The following ATP8B1 variants were observed in gnomAD, a reference collection of about 807,000 sequenced individuals.
The protein encoded by ATP8B1 is phospholipid-transporting ATPase IC.
A neutral mutation model predicts 149.9 loss-of-function variants in ATP8B1; 80 were observed. The ratio of observed to expected loss-of-function variants is 0.53; its 90% confidence interval spans 0.45 to 0.64. The LOEUF (loss-of-function observed/expected upper bound fraction) is 0.64, where lower values mean the gene tolerates loss of function less well. ATP8B1 is among the 30% of genes least tolerant of loss of function. The probability of loss-of-function intolerance (pLI) is 0.00; values close to 1 mark genes in which losing one functional copy is unlikely to be tolerated. For missense variants in ATP8B1, 1,247 were observed against 1,552.6 expected (o/e 0.80, Z 3.31); for synonymous variants, 536 against 562.8 (o/e 0.95, Z 0.67).
intron 1 of ATP8B1, among the ~76,000 whole-genome samples, chr18:57,757,168 C>A (rs1309141305): frequency 4.6e-5 from 7 of 152,184 alleles, no homozygotes; most frequent in Admixed American, 3.9e-4. Flanking sequence ...TCTCCAATGG[C>A]ATATAATTCC....
At chr18:57,702,863 A>G (rs1411251978) in intron 4 of ATP8B1, among the ~76,000 whole-genome samples, 1 of 151,976 alleles carries the variant, frequency 6.6e-6, no homozygotes, top group African/African-American at 2.4e-5. Flanking sequence ...ATCTCAAAAA[A>G]AAAAAAAAAA....
intron 12 of ATP8B1, 84 bp downstream of exon 12, chr18:57,691,723 T>C: frequency 6.7e-7 from 1 of 1,492,854 alleles, no homozygotes; most frequent in Non-Finnish European, 9.2e-7. Flanking sequence ...TTTGAAACAG[T>C]GATCACTAGA....
At chr18:57,706,833 G>C (rs116487783) in intron 2 of ATP8B1, among the ~76,000 whole-genome samples, 1 of 152,204 alleles carries the variant, frequency 6.6e-6, no homozygotes, top group Non-Finnish European at 1.5e-5. Context: ...GATGGAAGAC[G>C]ATGCGAAGTC....
intron 1 of ATP8B1, among the ~76,000 whole-genome samples, chr18:57,745,656 A>ATT (rs11304424): frequency 1.4e-5 from 2 of 143,966 alleles, no homozygotes; most frequent in Non-Finnish European, 1.5e-5. Flanking sequence ...TGGTTTTACA[A>ATT]TTTTTTTTTT....
intron 2 of ATP8B1, among the ~76,000 whole-genome samples, chr18:57,717,326 A>G (rs2079591665): frequency 2.0e-5 from 3 of 151,956 alleles, no homozygotes; most frequent in African/African-American, 7.2e-5. Flanking sequence ...TGGGCAGATC[A>G]TGAGGTCAGG....
At chr18:57,745,953 G>A (rs968964828) in intron 1 of ATP8B1, among the ~76,000 whole-genome samples, 2 of 152,042 alleles carry the variant, frequency 1.3e-5, no homozygotes, top group African/African-American at 2.4e-5. Flanking sequence ...GAGCCACCAC[G>A]CCTGACCTAA....
At chr18:57,732,659 T>G (rs533227498) in intron 1 of ATP8B1, among the ~76,000 whole-genome samples, 2 of 152,164 alleles carry the variant, frequency 1.3e-5, no homozygotes, top group South Asian at 4.2e-4. Context: ...GCCTCCTGTG[T>G]TCAAGTGATT....
chr18:57,709,743 G>A (rs1420219276), intron 2 of ATP8B1, among the ~76,000 whole-genome samples: 7 of 151,074 alleles, frequency 4.6e-5, no homozygotes, highest in Admixed American at 1.3e-4. Flanking sequence ...GCAGTGGTGC[G>A]ATCTCAGCTC....
Position 57,796,832 on chromosome 18 carries a change from G to A in ATP8B1, c.-26+6166C>T, listed in dbSNP as rs114278486. Reference sequence around the variant, plus strand: ...CTCTGGAGTAGCTGAGACTACAGGCGTGTGCCACCAGGGTTTCACCATGTT... The same window carrying A: ...CTCTGGAGTAGCTGAGACTACAGGCATGTGCCACCAGGGTTTCACCATGTT... On this transcript the variant is annotated intron_variant, in intron 1 of 27. Coordinates refer to ENST00000648908, the MANE Select transcript of ATP8B1 (RefSeq NM_001374385.1). 2.6e-5 allele frequency among the ~76,000 whole-genome samples: 4 copies of A among 152,218 alleles called. No individual in the cohort carries two copies. The East Asian group carries it at 5.8e-4, about 22-fold the overall frequency.
chr18:57,686,042 G>T (rs1912223137), intron 13 of ATP8B1, among the ~76,000 whole-genome samples: 1 of 152,130 alleles, frequency 6.6e-6, no homozygotes, highest in Non-Finnish European at 1.5e-5. Context: ...GAGGTCAGGG[G>T]TTCGATACCA....
chr18:57,764,263 TTTCC>T (rs200582319), intron 1 of ATP8B1, among the ~76,000 whole-genome samples: 2,004 of 150,290 alleles, frequency 0.013, 24 homozygotes, highest in African/African-American at 0.029. Flanking sequence ...TCCTTCCTTC[TTTCC>T]TTCCTTCCTT....
At chr18:57,661,964 C>T (rs3210484) in intron 21 of ATP8B1, among the ~76,000 whole-genome samples, 10 of 152,018 alleles carry the variant, frequency 6.6e-5, no homozygotes, top group South Asian at 2.1e-4. Flanking sequence ...GTGATCTGCC[C>T]GCCTTGGCCT....
At chr18:57,752,067 A>G (rs1415449835) in intron 1 of ATP8B1, among the ~76,000 whole-genome samples, 1 of 151,622 alleles carries the variant, frequency 6.6e-6, no homozygotes. Context: ...ATTAGCTGGG[A>G]ATTATGGTGC....
intron 21 of ATP8B1, among the ~76,000 whole-genome samples, chr18:57,661,894 T>G (rs1239406871): frequency 6.6e-6 from 1 of 151,868 alleles, no homozygotes; most frequent in African/African-American, 2.4e-5. Flanking sequence ...ATTTTTTTTG[T>G]ATTTTAGTAG....
At position 57,656,017 on chromosome 18, in the gene ATP8B1, A is replaced by G. The variant is rs778719887; in HGVS notation, c.2708-600T>C. On this transcript the variant is annotated intron_variant, in intron 22 of 27. Coordinates refer to ENST00000648908, the MANE Select transcript of ATP8B1 (RefSeq NM_001374385.1). ...TCCTCTTTTGGGATTTCTGCAGCAG[A>G]GCTCATATCTACTTTCCAGCTACCT... Among the ~76,000 whole-genome samples, 15 of 152,280 alleles carry G rather than the reference A, an allele frequency of 9.9e-5. 1 individual carries two copies. Among genetic ancestry groups the G allele is most frequent in the Middle Eastern group, 6.8e-3 (2 of 294 alleles).
intron 2 of ATP8B1, among the ~76,000 whole-genome samples, chr18:57,713,140 T>A (rs1913764474): frequency 1.3e-5 from 2 of 151,986 alleles, no homozygotes; most frequent in Middle Eastern, 3.4e-3. Flanking sequence ...GGGTGCTTTG[T>A]CTTGCTCTTG....
intron 1 of ATP8B1, among the ~76,000 whole-genome samples, chr18:57,801,369 G>A (rs1026257974): frequency 2.0e-5 from 3 of 152,176 alleles, no homozygotes; most frequent in African/African-American, 7.2e-5. Context: ...AGAATTCAGA[G>A]GAGTTAACTG....
chr18:57,781,741 G>A (rs1008424767), intron 1 of ATP8B1, among the ~76,000 whole-genome samples: 3 of 152,156 alleles, frequency 2.0e-5, no homozygotes, highest in Non-Finnish European at 4.4e-5. Flanking sequence ...TTGGGAGGCC[G>A]AGATGGGAGG....
Position 57,675,021 on chromosome 18 carries a change from A to T in ATP8B1, c.1632T>A (p.Gly544=). ...GAGAGGCTGCCTGGTAGTTGAGCTG[A>T]CCTAACAAGGAAGCGAGAGAAATCC... ...CHTVMVDRTD[G]QLNYQAASPD... is the part of the protein sequence containing the mutation. The change falls in exon 16 of 28, where the codon GGT becomes GGA. Residue 544 remains glycine, a splice_region_variant and synonymous_variant. Transcript: ENST00000648908. The T allele has an allele frequency of 1.2e-6, 2 of 1,614,020 alleles. No individual in the cohort carries two copies. Among genetic ancestry groups the T allele is most frequent in the Non-Finnish European group, 1.7e-6 (2 of 1,179,972 alleles).
Sources: allele counts gnomAD v4.1 joint callset (sites outside exome capture counted in the v4.1 genomes callset), GRCh38; gene constraint gnomAD v4.1.1; transcripts MANE v1.5; gene names NCBI Gene and HGNC (gene_info 2026-07-23, HGNC 2026-07-21).